The following CD72 variants were observed in gnomAD, a reference collection of about 807,000 sequenced individuals.
The protein encoded by CD72 is CD72 molecule.
A neutral mutation model predicts 50.7 loss-of-function variants in CD72; 28 were observed. The observed-to-expected ratio is 0.55, with a 90% CI of 0.41 to 0.76. The LOEUF (loss-of-function observed/expected upper bound fraction) is 0.76. Ranked by LOEUF, CD72 falls within the 30% of genes least tolerant of loss-of-function variation. The pLI is 0.00. For synonymous variants in CD72, 176 were observed against 171.2 expected, an observed-to-expected ratio of 1.03 and a Z score of -0.22; for missense variants, 403 against 420.6, an observed-to-expected ratio of 0.96 and a Z score of 0.37.
In CD72 at chr9:35,626,128, G is replaced by A. The variant is rs190474853; in HGVS notation, n.409-8007C>T. 8.6e-5 allele frequency among the ~76,000 whole-genome samples: 13 copies of A among 150,900 alleles called. No homozygotes were observed. The East Asian group carries it at 2.5e-3, about 29-fold the overall frequency. ...AGTAAACTGAGAACCTTCTGAAGAGGATTCGCCATTCTAGATACAATTAAA... is the reference window on the plus strand; with the variant it reads ...AGTAAACTGAGAACCTTCTGAAGAGAATTCGCCATTCTAGATACAATTAAA... On this transcript the variant is annotated intron_variant and non_coding_transcript_variant, in intron 1 of 3. Transcript: ENST00000465754.
intron 1 of CD72, among the ~76,000 whole-genome samples, chr9:35,645,052 A>C (rs913813463): frequency 1.3e-5 from 2 of 151,266 alleles, no homozygotes; most frequent in African/African-American, 4.8e-5. Context: ...ACACAAAATA[A>C]GCCGGGGGTG....
intron 1 of CD72, among the ~76,000 whole-genome samples, chr9:35,640,248 T>C (rs1326328237): frequency 6.6e-6 from 1 of 152,258 alleles, no homozygotes; most frequent in Non-Finnish European, 1.5e-5. Flanking sequence ...GGTCCCCAGG[T>C]CACCCACACT....
intron 5 of CD72, 62 bp from the exon 6 acceptor site, chr9:35,613,055 CTT>C (rs1264864436): frequency 4.3e-6 from 6 of 1,388,220 alleles, no homozygotes; most frequent in Non-Finnish European, 6.0e-6. Context: ...ACTCAGCAAT[CTT>C]TTGCTAACAA....
intron 1 of CD72, among the ~76,000 whole-genome samples, chr9:35,627,860 G>A (rs1823210259): frequency 6.6e-6 from 1 of 151,598 alleles, no homozygotes; most frequent in Non-Finnish European, 1.5e-5. Flanking sequence ...ATCAGAGTCA[G>A]CGTCTCACTC....
intron 1 of CD72, among the ~76,000 whole-genome samples, chr9:35,638,601 T>C (rs1823312398): frequency 6.6e-6 from 1 of 150,812 alleles, no homozygotes; most frequent in Admixed American, 6.6e-5. Flanking sequence ...CCCCGCTAAA[T>C]ATATACAGGA....
intron 1 of CD72, among the ~76,000 whole-genome samples, chr9:35,635,236 ATTCT>A (rs1305695801): frequency 6.6e-6 from 1 of 152,192 alleles, no homozygotes; most frequent in East Asian, 1.9e-4. Flanking sequence ...AGCTGGAATC[ATTCT>A]TTCTTCAGCT....
rs1345991441 is a variant in CD72, at chr9:35,610,218, T to G, written c.*105A>C. 2 of 196,446 alleles carry G rather than the reference T, an allele frequency of 1.0e-5. No individual in the cohort carries two copies. The highest frequency in any genetic ancestry group is 2.1e-5 in the Non-Finnish European group (2 of 97,438). 12.2% of individuals were successfully genotyped at this position (196,446 alleles called of 1,614,324 possible). A position where few individuals can be genotyped will look rare whatever the true frequency, so the allele number is the denominator to read the frequency against. On this transcript the variant is annotated 3_prime_UTR_variant, in exon 9 of 9. Coordinates refer to ENST00000259633, the MANE Select transcript of CD72 (RefSeq NM_001782.3). ...TGTGGGTCAGCCGGTGGCTGGGCAC[T>G]GCCCAGAATGAAGGAGATGGTCTGA...
intron 1 of CD72, among the ~76,000 whole-genome samples, chr9:35,635,880 G>A (rs1823285283): frequency 6.6e-6 from 1 of 152,144 alleles, no homozygotes; most frequent in Admixed American, 6.5e-5. Context: ...CAGAGGGGGT[G>A]TGGAATGGAG....
At chr9:35,614,682 G>C (rs1823040129) in intron 5 of CD72, among the ~76,000 whole-genome samples, 1 of 152,124 alleles carries the variant, frequency 6.6e-6, no homozygotes, top group Non-Finnish European at 1.5e-5. Flanking sequence ...TTGCCCATCA[G>C]GTACACTAGA....
chr9:35,632,880 A>G (rs536495943), intron 1 of CD72, among the ~76,000 whole-genome samples: 1 of 148,624 alleles, frequency 6.7e-6, no homozygotes, highest in South Asian at 2.1e-4. Flanking sequence ...GCCCAGCCTT[A>G]TTAGCTCTTT....
intron 1 of CD72, among the ~76,000 whole-genome samples, chr9:35,638,195 C>T (rs1024161149): frequency 5.3e-5 from 8 of 152,088 alleles, no homozygotes; most frequent in Non-Finnish European, 7.4e-5. Context: ...GTTCCCAATG[C>T]GACTTGTCCC....
chr9:35,611,745 C>T (rs1822989404), intron 7 of CD72, 59 bp downstream of exon 7: 3 of 905,078 alleles, frequency 3.3e-6, no homozygotes, highest in East Asian at 2.4e-5. Flanking sequence ...ATCTGATTAC[C>T]ATGTCTTTAT....
chr9:35,624,427 G>T (rs1486397081), upstream of CD72, among the ~76,000 whole-genome samples: 1 of 152,022 alleles, frequency 6.6e-6, no homozygotes, highest in Admixed American at 6.6e-5. Context: ...TTGGCAGTGG[G>T]AGTTAAAGAT....
At chr9:35,618,571 G>A (rs528913062), upstream of CD72, 2 of 753,754 alleles carry the variant, frequency 2.7e-6, no homozygotes, top group African/African-American at 1.7e-5. Flanking sequence ...GGTAGGGGAT[G>A]GGCCTGTCCC....
rs780422437 is a variant in CD72, at chr9:35,617,184, A to G, written c.254T>C (p.Ile85Thr). ...RAVTSPAVGR[I>T]LPCRTTCLRY... is the part of the protein sequence containing the mutation. ...CGCACAGGCACACTCACAGGGGAGA[A>G]TCCGCCCGACAGCTGGTGACGTCAC... The change falls in exon 3 of 9, where the codon ATT becomes ACT. Residue 85 changes from isoleucine to threonine, a missense_variant. By Grantham distance (89) the Ile-to-Thr change is moderately conservative. Transcript: ENST00000259633. 1.7e-5 allele frequency: 27 copies of G among 1,564,808 alleles called. No homozygotes were observed. The African/African-American group carries it at 3.5e-4, about 20-fold the overall frequency.
chr9:35,616,803 G>A, intron 3 of CD72, 114 bp from the exon 4 acceptor site: 1 of 1,043,586 alleles, frequency 9.6e-7, no homozygotes, highest in South Asian at 1.4e-5. Context: ...GAGGAGGGCG[G>A]TGCAGAGCTG....
chr9:35,631,902 A>C (rs1024219890), intron 1 of CD72, among the ~76,000 whole-genome samples: 1 of 152,092 alleles, frequency 6.6e-6, no homozygotes, highest in Admixed American at 6.6e-5. Flanking sequence ...AAAATAAATA[A>C]ATAAATAAAT....
Position 35,618,359 on chromosome 9 carries a change from G to T in CD72, c.-56C>A. 2 of 1,610,188 alleles carry T rather than the reference G, an allele frequency of 1.2e-6. No individual in the cohort carries two copies. The highest frequency in any genetic ancestry group is 1.1e-5 in the South Asian group (1 of 90,588). On this transcript the variant is annotated 5_prime_UTR_variant, in exon 1 of 9. Transcript: ENST00000259633. Reference sequence around the variant, plus strand: ...TCCCTGTCATCCACTGTCCTCCCTTGCCCCTCTCGTCTCTGTCCGTTTACA... The same window carrying T: ...TCCCTGTCATCCACTGTCCTCCCTTTCCCCTCTCGTCTCTGTCCGTTTACA...
Position 35,630,200 on chromosome 9 carries a change from G to A in CD72, n.409-12079C>T, listed in dbSNP as rs760370012. Among the ~76,000 whole-genome samples, 55 of 151,954 alleles carry A rather than the reference G, an allele frequency of 3.6e-4. 1 individual carries two copies. Among genetic ancestry groups the A allele is most frequent in the Non-Finnish European group, 6.5e-4 (44 of 67,954 alleles). ...ATTACAGGCATGTGCCATCACGCCC[G>A]GCTAATTTTTGTATTTTTGTAGAGA... On this transcript the variant is annotated intron_variant and non_coding_transcript_variant, in intron 1 of 3. Coordinates refer to the CD72 transcript ENST00000465754.
Sources: gnomAD v4.1 joint callset for allele counts (sites outside exome capture counted in the v4.1 genomes callset) on GRCh38, gnomAD v4.1.1 for gene constraint, MANE v1.5 for transcripts, NCBI Gene and HGNC (gene_info 2026-07-23, HGNC 2026-07-21) for gene names.